Variants in MAD1L1 observed in about 807,000 individuals in gnomAD.
MAD1L1 encodes the protein mitotic spindle assembly checkpoint protein MAD1.
A neutral mutation model predicts 96.9 loss-of-function variants in MAD1L1; 95 were observed. The ratio of observed to expected loss-of-function variants is 0.98; its 90% CI spans 0.83 to 1.16. The LOEUF is 1.16. MAD1L1 is among the 50% of genes most tolerant of loss of function. The pLI is 0.00. For missense variants in MAD1L1, 1,007 were observed against 954.4 expected, an observed-to-expected ratio of 1.06 and a Z score of -0.73; for synonymous variants, 473 against 396.6, an observed-to-expected ratio of 1.19 and a Z score of -2.29.
chr7:2,169,258 G>A (rs540043568), intron 10 of MAD1L1, among the ~76,000 whole-genome samples: 39 of 152,274 alleles, frequency 2.6e-4, no homozygotes, highest in Admixed American at 3.9e-4. Flanking sequence ...AAGGTAAACC[G>A]GAATCTCCTA....
rs1056796277 is a variant in MAD1L1, at chr7:2,043,234, G to A, written c.1218+25960C>T. Among the ~76,000 whole-genome samples the A allele has an allele frequency of 4.6e-5, 7 of 152,150 alleles. No individual in the cohort carries two copies. In the South Asian group the frequency reaches 1.2e-3, roughly 27 times the overall value. On this transcript the variant is annotated intron_variant, in intron 12 of 18. Transcript: ENST00000265854. The stretch of plus-strand genomic sequence containing the variant: ...GACTTTCGAATGTGTCTGCATCCAC[G>A]CCCCTGTCCCATCGGAGGGGCACAG...
At chr7:2,101,121 A>G (rs1786760903) in intron 11 of MAD1L1, among the ~76,000 whole-genome samples, 1 of 152,200 alleles carries the variant, frequency 6.6e-6, no homozygotes, top group Non-Finnish European at 1.5e-5. Context: ...GCTCCCCTTC[A>G]ATGGGAAAAA....
rs376369183 is a variant in MAD1L1 at position 2,222,784 on chromosome 7, G to A, written c.292-30C>T. Reference sequence around the variant, plus strand: ...TAAGAGAGCAAGAGTCAGATGCCACGTGCCGCCCACGGGAGGGTCAGCGGG... The same window carrying A: ...TAAGAGAGCAAGAGTCAGATGCCACATGCCGCCCACGGGAGGGTCAGCGGG... On this transcript the variant is annotated intron_variant, in intron 4 of 18. Coordinates refer to ENST00000265854, the MANE Select transcript of MAD1L1 (RefSeq NM_001013836.2). 7.3e-5 allele frequency: 113 copies of A among 1,547,252 alleles called. 1 individual carries two copies. In the East Asian group the frequency reaches 1.3e-3, roughly 18 times the overall value.
chr7:2,229,353 G>C (rs1247716437), intron 3 of MAD1L1, among the ~76,000 whole-genome samples: 5 of 152,210 alleles, frequency 3.3e-5, no homozygotes, highest in African/African-American at 1.2e-4. Flanking sequence ...AGCCCCAACT[G>C]GGACTGGGCT....
chr7:2,179,020 A>C (rs1034604927), intron 10 of MAD1L1, among the ~76,000 whole-genome samples: 15 of 152,250 alleles, frequency 9.9e-5, no homozygotes, highest in African/African-American at 2.4e-5. Flanking sequence ...ATGTCAGAGT[A>C]AGAGCCTATG....
chr7:2,219,604 G>A (rs1793482267), intron 5 of MAD1L1, 148 bp from the exon 6 acceptor site: 3 of 616,564 alleles, frequency 4.9e-6, no homozygotes, highest in Non-Finnish European at 5.1e-6. Flanking sequence ...GAATAAGGGG[G>A]CAGAGGGGCA....
chr7:2,037,050 A>G (rs1293273027), intron 12 of MAD1L1, among the ~76,000 whole-genome samples: 1 of 151,750 alleles, frequency 6.6e-6, no homozygotes, highest in East Asian at 1.9e-4. Context: ...CTCCTCCCAC[A>G]GCTCCCCCCA....
At chr7:1,896,304 T>C (rs970096571) in intron 18 of MAD1L1, among the ~76,000 whole-genome samples, 26 of 152,174 alleles carry the variant, frequency 1.7e-4, no homozygotes, top group Non-Finnish European at 2.5e-4. Flanking sequence ...CATCCTGCCA[T>C]GGCTGGGATC....
chr7:1,854,010 A>G (rs1359453590), intron 18 of MAD1L1, among the ~76,000 whole-genome samples: 1 of 152,218 alleles, frequency 6.6e-6, no homozygotes, highest in East Asian at 1.9e-4. Flanking sequence ...CATGCCGTGC[A>G]CTGGGAGCTT....
chr7:2,043,428 A>G (rs1258569117), intron 12 of MAD1L1, among the ~76,000 whole-genome samples: 9 of 152,138 alleles, frequency 5.9e-5, no homozygotes, highest in Non-Finnish European at 1.0e-4. Flanking sequence ...ATTAACTTTA[A>G]TCCTCCAAAA....
At chr7:2,124,291 G>C (rs1360183623) in intron 11 of MAD1L1, among the ~76,000 whole-genome samples, 2 of 152,214 alleles carry the variant, frequency 1.3e-5, no homozygotes, top group South Asian at 4.1e-4. Context: ...GGGGCACGAG[G>C]GCTCCAAAGA....
chr7:2,218,673 G>A lies in MAD1L1; in HGVS notation c.597-630C>T, dbSNP rs528904107. Among the ~76,000 whole-genome samples, 5 of 152,280 alleles carry A rather than the reference G, an allele frequency of 3.3e-5. No homozygotes were observed. In the South Asian group the frequency reaches 1.0e-3, roughly 32 times the overall value. On this transcript the variant is annotated intron_variant, in intron 6 of 18. Coordinates refer to ENST00000265854, the MANE Select transcript of MAD1L1 (RefSeq NM_001013836.2). The stretch of plus-strand genomic sequence containing the variant: ...TGGGATCCCAGCACTCTAGGAGGCT[G>A]AGGCAGGAGGATCGCTTGAGGCCAG...
At position 2,088,103 on chromosome 7, in the gene MAD1L1, A is replaced by G. The variant is rs1252058289; in HGVS notation, c.1074-18765T>C. 6.6e-6 allele frequency among the ~76,000 whole-genome samples: 1 copy of G among 152,174 alleles called. No individual in the cohort carries two copies. Among genetic ancestry groups the G allele is most frequent in the East Asian group, 1.9e-4 (1 of 5,190 alleles). ...ACCACACTGACTTCTCCCCTTTAAA[A>G]GTCTACACACAAAGCACCCGCACAG... is the stretch of plus-strand genomic sequence containing the variant. On this transcript the variant is annotated intron_variant, in intron 11 of 18. Coordinates refer to ENST00000265854, the MANE Select transcript of MAD1L1 (RefSeq NM_001013836.2). The surrounding 1 kb of genome is among the most constrained non-coding windows in gnomAD (Gnocchi z 4.4).
chr7:1,895,690 C>T (rs537109804), intron 18 of MAD1L1, among the ~76,000 whole-genome samples: 5 of 152,350 alleles, frequency 3.3e-5, no homozygotes, highest in East Asian at 1.9e-4. Context: ...GGGGCCTCTG[C>T]GGGCACCAGG....
chr7:2,117,001 C>T (rs1375886278), intron 11 of MAD1L1, among the ~76,000 whole-genome samples: 4 of 152,202 alleles, frequency 2.6e-5, no homozygotes, highest in South Asian at 2.1e-4. Context: ...CAAGGAAACC[C>T]GACCTTGGGG....
intron 11 of MAD1L1, among the ~76,000 whole-genome samples, chr7:2,099,295 T>C (rs567817623): frequency 2.0e-5 from 3 of 152,318 alleles, no homozygotes; most frequent in East Asian, 3.9e-4. Flanking sequence ...CCCGGCCCAC[T>C]GTGGAGGGTG....
chr7:2,153,973 T>C (rs1040326205), intron 10 of MAD1L1, among the ~76,000 whole-genome samples: 1 of 151,984 alleles, frequency 6.6e-6, no homozygotes, highest in Non-Finnish European at 1.5e-5. Context: ...CCGGCCAACA[T>C]GGTGAAACTC....
chr7:1,913,154 T>C (rs1788128496), intron 17 of MAD1L1, among the ~76,000 whole-genome samples: 1 of 152,208 alleles, frequency 6.6e-6, no homozygotes, highest in African/African-American at 2.4e-5. Context: ...AACCTGCTAA[T>C]GTAGGCAGCG....
At chr7:2,004,076 C>G (rs1189961539) in intron 13 of MAD1L1, among the ~76,000 whole-genome samples, 3 of 152,194 alleles carry the variant, frequency 2.0e-5, no homozygotes, top group Non-Finnish European at 4.4e-5. Context: ...TGGGCAGAGC[C>G]TCAGCACATG....
Sources: allele counts gnomAD v4.1 joint callset (sites outside exome capture counted in the v4.1 genomes callset), GRCh38; gene constraint gnomAD v4.1.1; non-coding constraint Gnocchi (gnomAD v3.1); transcripts MANE v1.5; gene names NCBI Gene and HGNC (gene_info 2026-07-23, HGNC 2026-07-21).